Variants in GPC5 observed in about 807,000 individuals in gnomAD.
GPC5 encodes glypican 5, also known as glypican-5.
In GPC5, 47 loss-of-function variants were observed where a neutral mutation model predicts 53.9. That is an observed-to-expected ratio of 0.87 (90% CI 0.69 to 1.11). The LOEUF is 1.11. Among genes scored for constraint, GPC5 ranks in the 50% most tolerant of loss-of-function variants. The probability of loss-of-function intolerance (pLI) is 0.00; values close to 1 mark genes in which losing one functional copy is unlikely to be tolerated. For missense variants in GPC5, 748 were observed against 713.1 expected, an observed-to-expected ratio of 1.05 and a Z score of -0.56; for synonymous variants, 286 against 263.3, an observed-to-expected ratio of 1.09 and a Z score of -0.84.
intron 6 of GPC5, among the ~76,000 whole-genome samples, chr13:91,985,370 A>ATATT (rs2040397056): frequency 7.0e-6 from 1 of 142,694 alleles, no homozygotes; most frequent in Non-Finnish European, 1.5e-5. Context: ...TAAAATCAGC[A>ATATT]TTTTTTTTTT....
chr13:92,442,306 A>G (rs1473348156), intron 7 of GPC5, among the ~76,000 whole-genome samples: 2 of 152,182 alleles, frequency 1.3e-5, no homozygotes, highest in Non-Finnish European at 2.9e-5. Context: ...TACATAACAT[A>G]TACAGGTAGA....
At chr13:91,735,888 C>A (rs2036803534) in intron 4 of GPC5, among the ~76,000 whole-genome samples, 2 of 151,122 alleles carry the variant, frequency 1.3e-5, no homozygotes, top group African/African-American at 4.9e-5. Context: ...AGCAAACTAT[C>A]CACATCTAGG....
At chr13:92,648,105 A>T in intron 7 of GPC5, among the ~76,000 whole-genome samples, 1 of 152,206 alleles carries the variant, frequency 6.6e-6, no homozygotes, top group East Asian at 1.9e-4. Context: ...AATCTAAAAT[A>T]TATACATATG....
chr13:92,343,862 A>G (rs2139253250), intron 7 of GPC5, among the ~76,000 whole-genome samples: 1 of 152,256 alleles, frequency 6.6e-6, no homozygotes, highest in South Asian at 2.1e-4. Flanking sequence ...CATATCAAAA[A>G]GTTTTCAGGG....
chr13:92,811,160 G>T, intron 7 of GPC5, among the ~76,000 whole-genome samples: 1 of 151,858 alleles, frequency 6.6e-6, no homozygotes, highest in African/African-American at 2.4e-5. Context: ...CATATTTTAG[G>T]CTGTTGTGAA....
At chr13:92,685,561 T>A (rs9561107) in intron 7 of GPC5, among the ~76,000 whole-genome samples, 22,994 of 101,092 alleles carry the variant, frequency 0.23, 2,101 homozygotes, top group Non-Finnish European at 0.3. Flanking sequence ...TTTTTTTTAA[T>A]TTTTTTTTTT....
intron 7 of GPC5, among the ~76,000 whole-genome samples, chr13:92,382,865 C>T (rs1296277780): frequency 2.6e-5 from 4 of 151,628 alleles, no homozygotes; most frequent in Admixed American, 6.6e-5. Flanking sequence ...TAGCCAGGCG[C>T]GGTGGCGGGT....
intron 7 of GPC5, among the ~76,000 whole-genome samples, chr13:92,613,399 ATATT>A (rs1173409682): frequency 1.3e-4 from 11 of 86,072 alleles, no homozygotes; most frequent in African/African-American, 4.9e-4. Flanking sequence ...ATATAAATAT[ATATT>A]ATATTATATA....
Position 92,081,766 on chromosome 13 carries a change from A to G in GPC5, c.1402-63064A>G, listed in dbSNP as rs374416800. Among the ~76,000 whole-genome samples, 17 of 152,334 alleles carry G rather than the reference A, an allele frequency of 1.1e-4. No homozygotes were observed. The East Asian group carries it at 1.2e-3, about 10-fold the overall frequency. Reference sequence around the variant, plus strand: ...CATATAAGAAAGTATATAAGAGCCAAATTCCCTCATCCATTTGTTTGCTGA... The same window carrying G: ...CATATAAGAAAGTATATAAGAGCCAGATTCCCTCATCCATTTGTTTGCTGA... On this transcript the variant is annotated intron_variant, in intron 6 of 7. Transcript: ENST00000377067.
At chr13:92,786,650 A>G (rs1200253260) in intron 7 of GPC5, among the ~76,000 whole-genome samples, 1 of 152,142 alleles carries the variant, frequency 6.6e-6, no homozygotes, top group African/African-American at 2.4e-5. Flanking sequence ...TCAACCCTAA[A>G]CACAGCACAG....
intron 7 of GPC5, among the ~76,000 whole-genome samples, chr13:92,396,779 C>T (rs1594166461): frequency 6.6e-6 from 1 of 152,150 alleles, no homozygotes; most frequent in Admixed American, 6.5e-5. Flanking sequence ...ATAATAAAAT[C>T]GCTGTCTTGT....
intron 2 of GPC5, among the ~76,000 whole-genome samples, chr13:91,456,504 A>G (rs1881564551): frequency 6.6e-6 from 1 of 152,000 alleles, no homozygotes; most frequent in Non-Finnish European, 1.5e-5. Context: ...TAAGATCCAA[A>G]ATATATTGTA....
chr13:91,798,007 C>T (rs2038074244), intron 5 of GPC5, among the ~76,000 whole-genome samples: 1 of 152,112 alleles, frequency 6.6e-6, no homozygotes, highest in Admixed American at 6.6e-5. Flanking sequence ...GATTATCTTG[C>T]TTTTCTAAGT....
chr13:92,704,467 A>T lies in GPC5; in HGVS notation c.1562-161815A>T, dbSNP rs545662415. On this transcript the variant is annotated intron_variant, in intron 7 of 7. Transcript: ENST00000377067. ...TATTTATCTCTAGGCTTTTAGCCAA[A>T]CCCTTTTGAAGATGATTTTCCCAAT... Among the ~76,000 whole-genome samples, 389 of 152,046 alleles carry T rather than the reference A, an allele frequency of 2.6e-3. 2 individuals carry two copies. The highest frequency in any genetic ancestry group is 4.6e-3 in the Non-Finnish European group (310 of 67,872).
At chr13:91,808,081 C>A (rs901600015) in intron 5 of GPC5, among the ~76,000 whole-genome samples, 1 of 151,986 alleles carries the variant, frequency 6.6e-6, no homozygotes, top group Non-Finnish European at 1.5e-5. Flanking sequence ...TACTTCTAGA[C>A]TGTTTAAGAT....
chr13:91,615,600 C>T (rs1160098634), intron 2 of GPC5, among the ~76,000 whole-genome samples: 1 of 152,082 alleles, frequency 6.6e-6, no homozygotes, highest in Admixed American at 6.6e-5. Flanking sequence ...TTGACAGTTA[C>T]CATACGTTTG....
intron 2 of GPC5, among the ~76,000 whole-genome samples, chr13:91,467,694 A>G (rs1250934644): frequency 2.0e-5 from 3 of 152,170 alleles, no homozygotes; most frequent in Non-Finnish European, 4.4e-5. Flanking sequence ...TTTTTAAAAA[A>G]CAATGCTACA....
intron 2 of GPC5, among the ~76,000 whole-genome samples, chr13:91,678,909 G>A (rs2035445334): frequency 2.6e-5 from 4 of 152,158 alleles, no homozygotes; most frequent in Admixed American, 2.0e-4. Flanking sequence ...TATTCTTTTA[G>A]CCATGTTTTG....
At chr13:91,769,000 A>G (rs1266825925) in intron 5 of GPC5, among the ~76,000 whole-genome samples, 2 of 151,932 alleles carry the variant, frequency 1.3e-5, no homozygotes, top group South Asian at 2.1e-4. Context: ...GAAAACAAAA[A>G]CAAAACCAGT....
Sources: allele counts gnomAD v4.1 joint callset (sites outside exome capture counted in the v4.1 genomes callset), GRCh38; gene constraint gnomAD v4.1.1; transcripts MANE v1.5; gene names NCBI Gene and HGNC (gene_info 2026-07-23, HGNC 2026-07-21).